PDE8A: variants seen among roughly 807,000 people sequenced by gnomAD.
PDE8A encodes the protein phosphodiesterase 8A, also known as high affinity cAMP-specific and IBMX-insensitive 3',5'-cyclic phosphodiesterase 8A.
Under a neutral mutation model 105.0 loss-of-function variants are expected in PDE8A, and 59 were observed. That is an observed-to-expected ratio of 0.56 (90% CI 0.46 to 0.70). The LOEUF (loss-of-function observed/expected upper bound fraction) is 0.70. Among genes scored for constraint, PDE8A ranks in the 30% least tolerant of loss-of-function variants. The pLI is 0.00. For synonymous variants in PDE8A, 355 were observed against 371.9 expected (o/e 0.95, Z 0.52); for missense variants, 1,014 against 1,045.9 (o/e 0.97, Z 0.42).
chr15:84,992,771 C>T (rs1171055071), intron 1 of PDE8A, among the ~76,000 whole-genome samples: 1 of 152,112 alleles, frequency 6.6e-6, no homozygotes, highest in African/African-American at 2.4e-5. Flanking sequence ...TTGGGGTTTA[C>T]CAGCTTAGAA....
chr15:85,101,081 A>AG (rs2081855108), intron 11 of PDE8A, among the ~76,000 whole-genome samples: 1 of 152,200 alleles, frequency 6.6e-6, no homozygotes. Flanking sequence ...TAACTCAAGG[A>AG]GGTAAGCATT....
intron 20 of PDE8A, 23 bp downstream of exon 20, chr15:85,126,397 T>TTA: frequency 6.7e-7 from 1 of 1,502,868 alleles, no homozygotes; most frequent in Non-Finnish European, 9.0e-7. Flanking sequence ...CTCTTTTAAG[T>TTA]TTCTAGAGAG....
At chr15:85,114,075 C>G (rs755008224) in intron 14 of PDE8A, 38 bp downstream of exon 14, 1 of 1,569,176 alleles carries the variant, frequency 6.4e-7, no homozygotes, top group South Asian at 1.1e-5. Flanking sequence ...TAGAGCCTGT[C>G]TGTTCTTGGT....
chr15:85,054,490 A>G (rs1040574213), intron 1 of PDE8A, among the ~76,000 whole-genome samples: 3 of 152,184 alleles, frequency 2.0e-5, no homozygotes, highest in Admixed American at 6.5e-5. Context: ...CCTCAACTTC[A>G]GAGCCTGTTA....
chr15:85,137,907 G>C lies in PDE8A; in HGVS notation c.*4G>C, dbSNP rs2082438137. 1.3e-6 allele frequency: 2 copies of C among 1,544,888 alleles called. No individual in the cohort carries two copies. Among genetic ancestry groups the C allele is most frequent in the South Asian group, 1.1e-5 (1 of 89,618 alleles). ...CCTCCGACCACCTCCTGAATAGTGG[G>C]AGACACCACCCAGAGCCCTGAAGCT... On this transcript the variant is annotated 3_prime_UTR_variant, in exon 22 of 22. Coordinates refer to ENST00000394553, the MANE Select transcript of PDE8A (RefSeq NM_002605.3).
chr15:85,100,186 G>A lies in PDE8A; in HGVS notation c.1024G>A (p.Asp342Asn). The A allele has an allele frequency of 1.9e-6, 3 of 1,613,568 alleles. No individual in the cohort carries two copies. The highest frequency in any genetic ancestry group is 2.5e-6 in the Non-Finnish European group (3 of 1,179,476). Residue 342 changes from aspartate (D) to asparagine (N), a missense_variant, in exon 11 of 22, where the codon GAC becomes AAC. Physicochemically the swap from Asp to Asn is conservative, Grantham distance 23 (BLOSUM62 1). Coordinates refer to ENST00000394553, the MANE Select transcript of PDE8A (RefSeq NM_002605.3). ...GAAAATATCCGAATGTGTTCAGTCTGACACTCATACAGGTACGGTGCCCCG... is the reference window on the plus strand; with the variant it reads ...GAAAATATCCGAATGTGTTCAGTCTAACACTCATACAGGTACGGTGCCCCG... Reference protein sequence around the residue: ...AEKISECVQSDTHTDNQTGKH... With the variant: ...AEKISECVQSNTHTDNQTGKH...
Position 85,126,229 on chromosome 15 carries a change from T to C in PDE8A, c.2108T>C (p.Val703Ala). The change falls in exon 20 of 22, where the codon GTG (valine) becomes GCG (alanine). Residue 703 changes from valine (V) to alanine (A), a missense_variant. Physicochemically the swap from Val to Ala is moderately conservative, Grantham distance 64 (BLOSUM62 0). Coordinates refer to ENST00000394553, the MANE Select transcript of PDE8A (RefSeq NM_002605.3). ...ENGETDKNQE[V>A]INTMLRTPEN... is the part of the protein sequence containing the mutation. ...CAGGAAACTGATAAAAACCAGGAAGTGATAAACACTATGCTTAGGACTCCA... is the reference window on the plus strand; with the variant it reads ...CAGGAAACTGATAAAAACCAGGAAGCGATAAACACTATGCTTAGGACTCCA... The C allele has an allele frequency of 1.2e-6, 2 of 1,606,388 alleles. No homozygotes were observed. Among genetic ancestry groups the C allele is most frequent in the Non-Finnish European group, 1.7e-6 (2 of 1,176,972 alleles).
intron 1 of PDE8A, among the ~76,000 whole-genome samples, chr15:85,025,469 C>A (rs1306238211): frequency 6.6e-6 from 1 of 152,046 alleles, no homozygotes; most frequent in Non-Finnish European, 1.5e-5. Context: ...ATGTTATTAT[C>A]GTAACTAGTG....
chr15:85,116,197 A>C lies in PDE8A; in HGVS notation c.1535+78A>C, dbSNP rs2082094902. The C allele has an allele frequency of 4.8e-6, 7 of 1,456,626 alleles. 1 individual carries two copies. The highest frequency in any genetic ancestry group is 6.6e-6 in the Non-Finnish European group (7 of 1,053,102). 90.2% of individuals were successfully genotyped at this position (1,456,626 alleles called of 1,614,324 possible). A position where few individuals can be genotyped will look rare whatever the true frequency, so the allele number is the denominator to read the frequency against. Reference sequence around the variant, plus strand: ...TGAGGAGGCTACCTGAGGAGTATGGATTGTGCACAAGCCTGGTACCTGGTC... The same window carrying C: ...TGAGGAGGCTACCTGAGGAGTATGGCTTGTGCACAAGCCTGGTACCTGGTC... On this transcript the variant is annotated intron_variant, in intron 16 of 21. Coordinates refer to ENST00000394553, the MANE Select transcript of PDE8A (RefSeq NM_002605.3).
At chr15:85,078,206 G>C (rs1459279312) in intron 5 of PDE8A, among the ~76,000 whole-genome samples, 2 of 146,274 alleles carry the variant, frequency 1.4e-5, no homozygotes, top group African/African-American at 2.5e-5. Flanking sequence ...ACCTTCAAAA[G>C]ACTGACACAC....
chr15:84,988,770 C>T (rs901119461), intron 1 of PDE8A, among the ~76,000 whole-genome samples: 1 of 152,188 alleles, frequency 6.6e-6, no homozygotes, highest in Admixed American at 6.5e-5. Flanking sequence ...CTCCTGTATC[C>T]GTGTGAGCCT....
rs552147746 is a variant in PDE8A, at chr15:85,025,477, G to A, written c.187-38893G>A. The stretch of plus-strand genomic sequence containing the variant: ...CAGTACTATGTTATTATCGTAACTA[G>A]TGACATTTAAAGAAAGAAACCCAAA... On this transcript the variant is annotated intron_variant, in intron 1 of 21. Coordinates refer to ENST00000394553, the MANE Select transcript of PDE8A (RefSeq NM_002605.3). Among the ~76,000 whole-genome samples, 170 of 152,274 alleles carry A rather than the reference G, an allele frequency of 1.1e-3. 3 individuals are homozygous for A. The highest frequency in any genetic ancestry group is 3.9e-3 in the African/African-American group (164 of 41,552).
intron 15 of PDE8A, 65 bp from the exon 16 acceptor site, chr15:85,115,919 C>CA (rs35865189): frequency 0.12 from 136,619 of 1,162,478 alleles, 689 homozygotes; most frequent in African/African-American, 0.22. Context: ...GATTCCGTCT[C>CA]AAAAAAAAAA....
At chr15:85,005,908 G>A (rs2080139618) in intron 1 of PDE8A, among the ~76,000 whole-genome samples, 1 of 152,204 alleles carries the variant, frequency 6.6e-6, no homozygotes, top group Admixed American at 6.5e-5. Context: ...GTCAGTATGT[G>A]GAAACACATG....
chr15:85,060,955 A>G (rs1420037771), intron 1 of PDE8A, among the ~76,000 whole-genome samples: 2 of 152,154 alleles, frequency 1.3e-5, no homozygotes, highest in African/African-American at 4.8e-5. Context: ...GACTCCCTTG[A>G]ACATTTCTTG....
rs905648631 is a variant in PDE8A at position 85,001,275 on chromosome 15, A to T, written c.186+18927A>T. On this transcript the variant is annotated intron_variant, in intron 1 of 21. Coordinates refer to ENST00000394553, the MANE Select transcript of PDE8A (RefSeq NM_002605.3). Reference sequence around the variant, plus strand: ...GTAATTAACCAAAAAAACCTCGATGAAGGTAGAGCACTAAGAAGGAAGTAG... The same window carrying T: ...GTAATTAACCAAAAAAACCTCGATGTAGGTAGAGCACTAAGAAGGAAGTAG... Among the ~76,000 whole-genome samples, 10 of 152,210 alleles carry T rather than the reference A, an allele frequency of 6.6e-5. 1 individual carries two copies. Among genetic ancestry groups the T allele is most frequent in the Admixed American group, 6.5e-4 (10 of 15,282 alleles).
chr15:85,000,145 G>T (rs1323914257), intron 1 of PDE8A, among the ~76,000 whole-genome samples: 1 of 152,116 alleles, frequency 6.6e-6, no homozygotes, highest in Non-Finnish European at 1.5e-5. Flanking sequence ...ATAAAATGTG[G>T]ACATGAGAGA....
chr15:85,111,434 G>C (rs2082019230), intron 12 of PDE8A, among the ~76,000 whole-genome samples: 1 of 152,134 alleles, frequency 6.6e-6, no homozygotes, highest in South Asian at 2.1e-4. Context: ...CCTGACCCTA[G>C]GGAAATCCAA....
intron 10 of PDE8A, 35 bp from the exon 11 acceptor site, chr15:85,100,121 A>T: frequency 6.2e-7 from 1 of 1,612,970 alleles, no homozygotes; most frequent in Non-Finnish European, 8.5e-7. Context: ...GATTTTCAGC[A>T]ATCAGAACTA....
Sources: gnomAD v4.1 joint callset for allele counts (sites outside exome capture counted in the v4.1 genomes callset) on GRCh38, gnomAD v4.1.1 for gene constraint, MANE v1.5 for transcripts, NCBI Gene and HGNC (gene_info 2026-07-23, HGNC 2026-07-21) for gene names.